The following UBE2E3 variants were observed in gnomAD, a reference collection of about 807,000 sequenced individuals.
UBE2E3 encodes ubiquitin conjugating enzyme E2 E3, also known as ubiquitin-conjugating enzyme E2 E3.
A neutral mutation model predicts 23.6 loss-of-function variants in UBE2E3; 5 were observed. The ratio of observed to expected loss-of-function variants is 0.21; its 90% confidence interval spans 0.11 to 0.44. The LOEUF (loss-of-function observed/expected upper bound fraction) is 0.44. Ranked by LOEUF, UBE2E3 falls within the 20% of genes least tolerant of loss-of-function variation. The pLI is 0.99. For missense variants in UBE2E3, 81 were observed against 249.8 expected (o/e 0.32, Z 4.55); for synonymous variants, 78 against 87.5 (o/e 0.89, Z 0.60).
chr2:181,035,120 T>C (rs187976125), intron 3 of UBE2E3, among the ~76,000 whole-genome samples: 1 of 152,190 alleles, frequency 6.6e-6, no homozygotes, highest in African/African-American at 2.4e-5. Flanking sequence ...TATTTTAAAA[T>C]TAATGTACAT....
At chr2:181,044,385 A>G (rs748593831) in intron 3 of UBE2E3, among the ~76,000 whole-genome samples, 1 of 152,180 alleles carries the variant, frequency 6.6e-6, no homozygotes, top group Admixed American at 6.5e-5. Context: ...TGTATTATCT[A>G]TGGCACTATG....
chr2:181,012,912 T>G (rs1685378407), intron 3 of UBE2E3, among the ~76,000 whole-genome samples: 1 of 152,180 alleles, frequency 6.6e-6, no homozygotes, highest in Non-Finnish European at 1.5e-5. Flanking sequence ...GCTTGGTATT[T>G]AGAATATACC....
chr2:181,034,226 ATG>A (rs1686187257), intron 3 of UBE2E3, among the ~76,000 whole-genome samples: 1 of 152,214 alleles, frequency 6.6e-6, no homozygotes, highest in Non-Finnish European at 1.5e-5. Flanking sequence ...ACACATACAC[ATG>A]TATGTTTATT....
intron 3 of UBE2E3, among the ~76,000 whole-genome samples, chr2:181,044,765 CTA>C (rs1295627105): frequency 3.3e-5 from 5 of 152,120 alleles, no homozygotes; most frequent in African/African-American, 1.2e-4. Context: ...ACATTAATCA[CTA>C]TGTTAAAAGT....
chr2:181,001,747 T>C (rs1684996507), intron 3 of UBE2E3, among the ~76,000 whole-genome samples: 1 of 152,112 alleles, frequency 6.6e-6, no homozygotes. Context: ...TTGTGGTGGT[T>C]ATAGAGACTT....
chr2:181,040,306 A>C (rs777073173), intron 3 of UBE2E3, among the ~76,000 whole-genome samples: 11 of 152,214 alleles, frequency 7.2e-5, no homozygotes, highest in Non-Finnish European at 1.6e-4. Flanking sequence ...AGTTCTGCAC[A>C]TGTTACACTG....
At chr2:180,989,273 G>A (rs114539671) in intron 3 of UBE2E3, among the ~76,000 whole-genome samples, 2,094 of 152,194 alleles carry the variant, frequency 0.014, 20 homozygotes, top group Middle Eastern at 0.041. Flanking sequence ...TTCTGCAAGA[G>A]CGAGTGTTCC....
At chr2:181,030,249 CAT>C (rs1189360741) in intron 3 of UBE2E3, among the ~76,000 whole-genome samples, 9 of 152,088 alleles carry the variant, frequency 5.9e-5, no homozygotes, top group Admixed American at 5.2e-4. Context: ...AAGTAATAAT[CAT>C]ATGGTTTTGC....
intron 3 of UBE2E3, among the ~76,000 whole-genome samples, chr2:181,026,676 TGAG>T (rs1049289019): frequency 6.6e-6 from 1 of 151,832 alleles, no homozygotes; most frequent in Non-Finnish European, 1.5e-5. Flanking sequence ...CTTTCGTGTA[TGAG>T]ATTTGTTCCG....
chr2:181,035,839 A>G (rs1369405787), intron 3 of UBE2E3, among the ~76,000 whole-genome samples: 1 of 152,220 alleles, frequency 6.6e-6, no homozygotes, highest in Non-Finnish European at 1.5e-5. Context: ...GGAAGGTCAC[A>G]TAATAGGTAA....
chr2:181,034,395 G>T (rs1686194165), intron 3 of UBE2E3, among the ~76,000 whole-genome samples: 1 of 152,190 alleles, frequency 6.6e-6, no homozygotes, highest in South Asian at 2.1e-4. Flanking sequence ...GATGAAGCTG[G>T]AAACCATCAT....
At chr2:181,035,168 C>A (rs563602426) in intron 3 of UBE2E3, among the ~76,000 whole-genome samples, 4 of 152,046 alleles carry the variant, frequency 2.6e-5, no homozygotes, top group Non-Finnish European at 5.9e-5. Context: ...TATTTATATG[C>A]ATTCTATATA....
Position 181,046,833 on chromosome 2 carries a change from A to G in UBE2E3, c.246-10860A>G, listed in dbSNP as rs149421314. On this transcript the variant is annotated intron_variant, in intron 3 of 5. Coordinates refer to ENST00000410062, the MANE Select transcript of UBE2E3 (RefSeq NM_006357.4). ...CTTTATGGTTTAGATTTTATTCTGT[A>G]GTGCCTTTACAGCACTCTTAGTGCT... Among the ~76,000 whole-genome samples the G allele has an allele frequency of 2.3e-3, 355 of 152,276 alleles. 1 individual carries two copies. The highest frequency in any genetic ancestry group is 8.3e-3 in the African/African-American group (343 of 41,570).
chr2:181,040,575 A>G (rs560418352), intron 3 of UBE2E3, among the ~76,000 whole-genome samples: 18 of 152,296 alleles, frequency 1.2e-4, no homozygotes, highest in African/African-American at 4.1e-4. Flanking sequence ...ATAACATCTA[A>G]ACATTTAATG....
intron 3 of UBE2E3, among the ~76,000 whole-genome samples, chr2:180,987,632 G>T (rs1460718272): frequency 6.6e-6 from 1 of 151,980 alleles, no homozygotes; most frequent in Non-Finnish European, 1.5e-5. Context: ...AGGTGATTTC[G>T]TTGACTTTCT....
At chr2:181,030,114 G>A (rs1686029887) in intron 3 of UBE2E3, among the ~76,000 whole-genome samples, 1 of 151,942 alleles carries the variant, frequency 6.6e-6, no homozygotes, top group Admixed American at 6.5e-5. Flanking sequence ...TTACAGGTGT[G>A]AGCCACCACA....
At chr2:180,988,110 G>A (rs1429257005) in intron 3 of UBE2E3, among the ~76,000 whole-genome samples, 1 of 152,090 alleles carries the variant, frequency 6.6e-6, no homozygotes, top group Non-Finnish European at 1.5e-5. Flanking sequence ...TTATAATAGG[G>A]TTATTGTGAG....
intron 3 of UBE2E3, among the ~76,000 whole-genome samples, chr2:181,027,728 C>T (rs1685941118): frequency 6.6e-6 from 1 of 151,008 alleles, no homozygotes; most frequent in Non-Finnish European, 1.5e-5. Flanking sequence ...TTTTTAAAAT[C>T]AAGTATTGAA....
intron 3 of UBE2E3, among the ~76,000 whole-genome samples, chr2:180,989,531 A>T (rs1473665861): frequency 6.6e-6 from 1 of 152,154 alleles, no homozygotes; most frequent in African/African-American, 2.4e-5. Flanking sequence ...GTTTTTGCTT[A>T]TAAGAGGAAA....
Sources: allele counts gnomAD v4.1 joint callset (sites outside exome capture counted in the v4.1 genomes callset), GRCh38; gene constraint gnomAD v4.1.1; transcripts MANE v1.5; gene names NCBI Gene and HGNC (gene_info 2026-07-23, HGNC 2026-07-21).